Variants in CAMK2B observed in about 807,000 individuals in gnomAD.
CAMK2B encodes calcium/calmodulin dependent protein kinase II beta.
In CAMK2B, 27 loss-of-function variants were observed where a neutral mutation model predicts 93.7. That is an observed-to-expected ratio of 0.29 (90% confidence interval 0.21 to 0.40). CAMK2B has a LOEUF of 0.40. CAMK2B is among the 10% of genes least tolerant of loss of function. CAMK2B has a pLI of 1.00. For synonymous variants in CAMK2B, 374 were observed against 358.8 expected (o/e 1.04, Z -0.48); for missense variants, 568 against 895.8 (o/e 0.63, Z 4.67).
chr7:44,308,714 G>C (rs888679178), intron 1 of CAMK2B, among the ~76,000 whole-genome samples: 4 of 152,190 alleles, frequency 2.6e-5, no homozygotes, highest in African/African-American at 9.7e-5. Context: ...CGGAGGGCAA[G>C]GCCCCGTCCT....
At chr7:44,316,807 T>C (rs1053765852) in intron 1 of CAMK2B, among the ~76,000 whole-genome samples, 3 of 152,224 alleles carry the variant, frequency 2.0e-5, no homozygotes, top group Non-Finnish European at 4.4e-5. Flanking sequence ...CACATAATTA[T>C]TCATAGTTAT....
At chr7:44,313,853 G>A (rs557042526) in intron 1 of CAMK2B, among the ~76,000 whole-genome samples, 9 of 151,274 alleles carry the variant, frequency 5.9e-5, no homozygotes, top group Non-Finnish European at 1.0e-4. Context: ...CTGTCATCCG[G>A]CACCAGTCAG....
At chr7:44,236,644 C>A (rs2096628898) in intron 13 of CAMK2B, among the ~76,000 whole-genome samples, 1 of 152,200 alleles carries the variant, frequency 6.6e-6, no homozygotes, top group Non-Finnish European at 1.5e-5. Flanking sequence ...AATCTGCTTC[C>A]CTGTAACTTG....
intron 21 of CAMK2B, 34 bp downstream of exon 21, chr7:44,220,792 C>T (rs905143194): frequency 6.4e-7 from 1 of 1,559,444 alleles, no homozygotes; most frequent in Non-Finnish European, 8.7e-7. Context: ...ACATCCTTGT[C>T]CTGCACAGCC....
chr7:44,308,652 G>A (rs1291583391), intron 1 of CAMK2B, among the ~76,000 whole-genome samples: 1 of 152,182 alleles, frequency 6.6e-6, no homozygotes, highest in Non-Finnish European at 1.5e-5. Context: ...ATGAAGGCAG[G>A]AGTGACATTA....
intron 2 of CAMK2B, chr7:44,267,057 A>C (rs1278224875): frequency 1.3e-5 from 2 of 152,204 alleles, no homozygotes; most frequent in African/African-American, 4.8e-5. Flanking sequence ...GTTTTCCTAA[A>C]GGAGTCTAAG....
intron 1 of CAMK2B, among the ~76,000 whole-genome samples, chr7:44,296,591 G>GAATT (rs778530213): frequency 9.2e-5 from 14 of 152,012 alleles, no homozygotes; most frequent in Non-Finnish European, 1.5e-4. Context: ...GATGCTCAGA[G>GAATT]AATTCCAAGC....
chr7:44,266,689 C>T (rs865791823), intron 2 of CAMK2B, among the ~76,000 whole-genome samples: 1 of 152,180 alleles, frequency 6.6e-6, no homozygotes, highest in African/African-American at 2.4e-5. Context: ...ACAGCGGCTC[C>T]CTACCTGCCC....
chr7:44,286,017 CAT>C lies in CAMK2B; in HGVS notation c.66-1794_66-1793del, dbSNP rs1394827096. Among the ~76,000 whole-genome samples the C allele has an allele frequency of 6.6e-6, 1 of 152,088 alleles. No individual in the cohort carries two copies. The highest frequency in any genetic ancestry group is 1.5e-5 in the Non-Finnish European group (1 of 68,012). On this transcript the variant is annotated intron_variant, in intron 1 of 23. Coordinates refer to ENST00000395749, the MANE Select transcript of CAMK2B (RefSeq NM_001220.5). The surrounding 1 kb of genome is among the most constrained non-coding windows in gnomAD (Gnocchi z 4.0). ...ATAAAGAAAGGATTATTATTTTTAA[CAT>C]ATGACATTAACTTGGGAGACTGAGG...
chr7:44,242,537 C>T (rs2096690361), intron 9 of CAMK2B, 23 bp downstream of exon 9: 2 of 1,585,892 alleles, frequency 1.3e-6, no homozygotes, highest in Non-Finnish European at 1.7e-6. Flanking sequence ...GGGAGCTCAT[C>T]AGAGAGGGGC....
At chr7:44,301,435 C>A (rs1211461406) in intron 1 of CAMK2B, among the ~76,000 whole-genome samples, 1 of 152,154 alleles carries the variant, frequency 6.6e-6, no homozygotes, top group Non-Finnish European at 1.5e-5. Flanking sequence ...TTGCACCTGG[C>A]CAAAAGTAAT....
At position 44,234,625 on chromosome 7, in the gene CAMK2B, G is replaced by A. The variant is rs772375076; in HGVS notation, c.1059+14C>T. ...TGGGCTCCCCGGCACCACAGGGCCC[G>A]GCTGGAGCCTCACCTTGACTCCATC... On this transcript the variant is annotated intron_variant, in intron 14 of 23. Transcript: ENST00000395749. 8.6e-5 allele frequency: 138 copies of A among 1,613,692 alleles called. 1 individual carries two copies. The Admixed American group carries it at 1.6e-3, about 18-fold the overall frequency.
Position 44,248,648 on chromosome 7 carries a change from G to A in CAMK2B, c.342-1456C>T, listed in dbSNP as rs530448163. On this transcript the variant is annotated intron_variant, in intron 5 of 23. Coordinates refer to ENST00000395749, the MANE Select transcript of CAMK2B (RefSeq NM_001220.5). This position sits in a 1 kb window ranked among gnomAD's most constrained non-coding sequence, Gnocchi z 4.1. ...AGGGTGACCAGGGTCAGCAAGATGA[G>A]TGGGCTTTGTTTTCCTAACAGCAAA... 5.9e-5 allele frequency among the ~76,000 whole-genome samples: 9 copies of A among 152,340 alleles called. No individual in the cohort carries two copies. In the East Asian group the frequency reaches 1.7e-3, roughly 29 times the overall value.
At chr7:44,234,500 G>A (rs764663973) in intron 14 of CAMK2B, 39 bp from the exon 15 acceptor site, 1 of 1,573,934 alleles carries the variant, frequency 6.4e-7, no homozygotes, top group Non-Finnish European at 8.6e-7. Flanking sequence ...GGTGGGAGAA[G>A]CCCCTCACTC....
At chr7:44,301,376 G>A (rs1466265787) in intron 1 of CAMK2B, among the ~76,000 whole-genome samples, 1 of 152,126 alleles carries the variant, frequency 6.6e-6, no homozygotes, top group African/African-American at 2.4e-5. Flanking sequence ...TCCTCAAGTG[G>A]TTCTCCCACC....
intron 5 of CAMK2B, among the ~76,000 whole-genome samples, chr7:44,254,153 C>T (rs1007410093): frequency 6.6e-6 from 1 of 152,146 alleles, no homozygotes; most frequent in Non-Finnish European, 1.5e-5. Flanking sequence ...CTCCAGCAGC[C>T]GGGCCACAAA....
Position 44,220,305 on chromosome 7 carries a change from C to G in CAMK2B, c.1769-11G>C. ...TGTTCTTGGCCAGCACTGTGGACAG[C>G]AGGCGGGGCGGGGGTCTCGGGTTAC... On this transcript the variant is annotated splice_polypyrimidine_tract_variant and intron_variant, in intron 22 of 23. Coordinates refer to ENST00000395749, the MANE Select transcript of CAMK2B (RefSeq NM_001220.5). 6.2e-7 allele frequency: 1 copy of G among 1,605,600 alleles called. No individual in the cohort carries two copies. The highest frequency in any genetic ancestry group is 8.5e-7 in the Non-Finnish European group (1 of 1,173,910).
Position 44,248,359 on chromosome 7 carries a change from A to G in CAMK2B, c.342-1167T>C, listed in dbSNP as rs921413996. 3.3e-5 allele frequency among the ~76,000 whole-genome samples: 5 copies of G among 152,076 alleles called. No homozygotes were observed. The highest frequency in any genetic ancestry group is 7.4e-5 in the Non-Finnish European group (5 of 67,992). On this transcript the variant is annotated intron_variant, in intron 5 of 23. Transcript: ENST00000395749. This position sits in a 1 kb window ranked among gnomAD's most constrained non-coding sequence, Gnocchi z 4.1. ...CCAGGGCCACGGAGCCCCTGCACACACCGAGAGCCCGTGGCTTGAATCTGC... is the reference window on the plus strand; with the variant it reads ...CCAGGGCCACGGAGCCCCTGCACACGCCGAGAGCCCGTGGCTTGAATCTGC...
intron 9 of CAMK2B, 98 bp from the exon 10 acceptor site, chr7:44,242,438 A>G: frequency 6.5e-7 from 1 of 1,550,170 alleles, no homozygotes; most frequent in South Asian, 1.2e-5. Context: ...CGAATCTGGG[A>G]GAGCAGGACC....
Sources: allele counts gnomAD v4.1 joint callset (sites outside exome capture counted in the v4.1 genomes callset), GRCh38; gene constraint gnomAD v4.1.1; non-coding constraint Gnocchi (gnomAD v3.1); transcripts MANE v1.5; gene names NCBI Gene and HGNC (gene_info 2026-07-23, HGNC 2026-07-21).